The following SYT16 variants were observed in gnomAD, a reference collection of about 807,000 sequenced individuals.
SYT16 encodes the protein synaptotagmin-16.
Under a neutral mutation model 61.4 loss-of-function variants are expected in SYT16, and 42 were observed. The ratio of observed to expected loss-of-function variants is 0.68; its 90% CI spans 0.53 to 0.89. The LOEUF is 0.89. Among genes scored for constraint, SYT16 ranks in the 40% least tolerant of loss-of-function variants. The pLI is 0.00. For synonymous variants in SYT16, 314 were observed against 302.3 expected (o/e 1.04, Z -0.40); for missense variants, 804 against 807.3 (o/e 1.00, Z 0.05).
intron 1 of SYT16, among the ~76,000 whole-genome samples, chr14:61,843,139 G>GT (rs537570433): frequency 2.0e-5 from 3 of 151,564 alleles, no homozygotes; most frequent in Admixed American, 6.6e-5. Flanking sequence ...TCCATTTTTA[G>GT]TTTTTTTTGG....
intron 1 of SYT16, among the ~76,000 whole-genome samples, chr14:61,830,444 A>G (rs1347918885): frequency 1.3e-5 from 2 of 152,146 alleles, no homozygotes; most frequent in Admixed American, 6.5e-5. Flanking sequence ...TTGCCCTGCT[A>G]TTCTGATCTG....
chr14:61,816,892 TC>T (rs2045449373), intron 1 of SYT16, among the ~76,000 whole-genome samples: 1 of 151,554 alleles, frequency 6.6e-6, no homozygotes, highest in African/African-American at 2.4e-5. Context: ...GCGCTTGTAG[TC>T]CCATCTACTC....
intron 1 of SYT16, among the ~76,000 whole-genome samples, chr14:61,893,108 C>G (rs951238610): frequency 2.0e-5 from 3 of 152,080 alleles, no homozygotes; most frequent in Admixed American, 1.3e-4. Flanking sequence ...TTCCCATTAA[C>G]TGGAACCCAG....
intron 1 of SYT16, among the ~76,000 whole-genome samples, chr14:61,864,100 G>A (rs963286281): frequency 1.3e-5 from 2 of 152,194 alleles, no homozygotes; most frequent in East Asian, 1.9e-4. Context: ...TCTGTTTTAT[G>A]TGGAGGAATA....
rs2056137839 is a variant in SYT16 at position 62,068,097 on chromosome 14, C to A, written c.524-1506C>A. Among the ~76,000 whole-genome samples, 8 of 152,316 alleles carry A rather than the reference C, an allele frequency of 5.3e-5. 1 individual carries two copies. The South Asian group carries it at 1.7e-3, about 32-fold the overall frequency. On this transcript the variant is annotated intron_variant, in intron 3 of 7. Coordinates refer to ENST00000683842, the MANE Select transcript of SYT16 (RefSeq NM_001367656.1). ...CACCTCATAAAGGTATCTGCACTCC[C>A]ATGCTCACTGCAGCATTATTCACAA... is the stretch of plus-strand genomic sequence containing the variant.
intron 1 of SYT16, among the ~76,000 whole-genome samples, chr14:61,830,534 T>TA (rs2045906298): frequency 1.3e-5 from 2 of 152,232 alleles, no homozygotes; most frequent in South Asian, 2.1e-4. Context: ...AAAACTTTAC[T>TA]ATGTTGACTC....
chr14:61,845,031 C>G (rs2046401750), intron 1 of SYT16, among the ~76,000 whole-genome samples: 1 of 137,970 alleles, frequency 7.2e-6, no homozygotes, highest in Non-Finnish European at 1.5e-5. Context: ...CTTTTCTTTA[C>G]TAGAAGACTT....
intron 1 of SYT16, among the ~76,000 whole-genome samples, chr14:61,848,424 GTCTCTC>G: frequency 6.6e-6 from 1 of 150,832 alleles, no homozygotes; most frequent in African/African-American, 2.4e-5. Flanking sequence ...AACAAAAGGA[GTCTCTC>G]TCTCTCTCTC....
Position 62,090,909 on chromosome 14 carries a change from C to A in SYT16, c.1624+6524C>A, listed in dbSNP as rs192447253. On this transcript the variant is annotated intron_variant, in intron 7 of 7. Coordinates refer to ENST00000683842, the MANE Select transcript of SYT16 (RefSeq NM_001367656.1). ...TACAAGAGAGAACTTGTGCAGGGAA[C>A]CTCCTCTTTATAAAACCATCAGATC... Among the ~76,000 whole-genome samples the A allele has an allele frequency of 7.4e-4, 112 of 152,240 alleles. 1 individual carries two copies. The highest frequency in any genetic ancestry group is 2.6e-3 in the African/African-American group (110 of 41,554).
chr14:61,876,928 A>C (rs575490748), intron 1 of SYT16, among the ~76,000 whole-genome samples: 23 of 152,342 alleles, frequency 1.5e-4, no homozygotes, highest in Non-Finnish European at 2.9e-4. Flanking sequence ...TGGAGAAACC[A>C]GGTCATTTAC....
intron 2 of SYT16, among the ~76,000 whole-genome samples, chr14:61,995,565 T>C (rs990437781): frequency 1.3e-5 from 2 of 152,212 alleles, no homozygotes; most frequent in East Asian, 1.9e-4. Flanking sequence ...TCATGCCCAA[T>C]TGGATCTTAA....
At chr14:62,074,059 G>A (rs1250752764) in intron 4 of SYT16, among the ~76,000 whole-genome samples, 1 of 152,168 alleles carries the variant, frequency 6.6e-6, no homozygotes, top group Non-Finnish European at 1.5e-5. Context: ...TTCATCCTGG[G>A]ATGGGGTCTG....
At chr14:61,910,531 T>G (rs199881943) in intron 1 of SYT16, among the ~76,000 whole-genome samples, 4 of 9,094 alleles carry the variant, frequency 4.4e-4, no homozygotes, top group African/African-American at 6.6e-4. Flanking sequence ...CGCTGTTTTG[T>G]TTTTTTTTTT....
intron 3 of SYT16, among the ~76,000 whole-genome samples, chr14:62,048,162 T>C (rs910771518): frequency 1.3e-5 from 2 of 152,218 alleles, no homozygotes; most frequent in Non-Finnish European, 1.5e-5. Context: ...GAATCTGTTA[T>C]TGGTCCATTC....
Position 62,102,255 on chromosome 14 carries a change from T to G in SYT16, c.*1548T>G, listed in dbSNP as rs1318394709. The stretch of plus-strand genomic sequence containing the variant: ...ACACTTGAAGAACATATTTATTCCT[T>G]ACAGTGTGTAATGGTTATCCTGACA... On this transcript the variant is annotated 3_prime_UTR_variant, in exon 8 of 8. Transcript: ENST00000683842. 1.3e-5 allele frequency: 2 copies of G among 152,218 alleles called. No homozygotes were observed. The highest frequency in any genetic ancestry group is 4.8e-5 in the African/African-American group (2 of 41,452). The allele number at this position is 152,218 out of a possible 1,614,324, so 9.4% of individuals were successfully genotyped here. A position where few individuals can be genotyped will look rare whatever the true frequency, so the allele number is the denominator to read the frequency against.
At position 62,075,201 on chromosome 14, in the gene SYT16, C is replaced by T. The variant is rs1318363446; in HGVS notation, c.803C>T (p.Pro268Leu). ...TCCTACGGTGAAGATGACCACATCC[C>T]TGCTCACTCACAGTCCCCATGTGAA... ...NLSYGEDDHI[P>L]AHSQSPCERG... Residue 268 changes from proline to leucine, a missense_variant, in exon 5 of 8, where the codon CCT becomes CTT. Pro to Leu is a moderately conservative substitution (Grantham distance 98, BLOSUM62 -3). Coordinates refer to ENST00000683842, the MANE Select transcript of SYT16 (RefSeq NM_001367656.1). The T allele has an allele frequency of 1.2e-6, 2 of 1,613,378 alleles. No individual in the cohort carries two copies. The highest frequency in any genetic ancestry group is 3.3e-5 in the Admixed American group (2 of 59,892).
At chr14:61,911,293 T>A (rs927172351) in intron 1 of SYT16, among the ~76,000 whole-genome samples, 1 of 152,192 alleles carries the variant, frequency 6.6e-6, no homozygotes, top group East Asian at 1.9e-4. Flanking sequence ...AGGCACTTTC[T>A]AAAATAGTTT....
chr14:61,813,091 G>T (rs978675156), intron 1 of SYT16, among the ~76,000 whole-genome samples: 17 of 152,260 alleles, frequency 1.1e-4, no homozygotes, highest in Admixed American at 2.6e-4. Context: ...CCCTTCGCGG[G>T]CACTGCCCCC....
intron 1 of SYT16, among the ~76,000 whole-genome samples, chr14:61,814,487 A>T (rs1011260762): frequency 6.6e-6 from 1 of 152,226 alleles, no homozygotes; most frequent in African/African-American, 2.4e-5. Context: ...GGTTAAGATG[A>T]TACATTTAGT....
Sources: gnomAD v4.1 joint callset for allele counts (sites outside exome capture counted in the v4.1 genomes callset) on GRCh38, gnomAD v4.1.1 for gene constraint, MANE v1.5 for transcripts, NCBI Gene and HGNC (gene_info 2026-07-23, HGNC 2026-07-21) for gene names.